Variants in SOX5 observed in about 807,000 individuals in gnomAD.
SOX5 encodes the protein transcription factor SOX-5.
SOX5 carries 9 observed loss-of-function variants against 92.0 expected under a neutral mutation model. The observed-to-expected ratio is 0.10, with a 90% CI of 0.06 to 0.17. The LOEUF (loss-of-function observed/expected upper bound fraction) is 0.17. SOX5 is among the 10% of genes least tolerant of loss of function. SOX5 has a pLI of 1.00. For missense variants in SOX5, 642 were observed against 944.5 expected, an observed-to-expected ratio of 0.68 and a Z score of 4.20; for synonymous variants, 344 against 336.3, an observed-to-expected ratio of 1.02 and a Z score of -0.25.
intron 1 of SOX5, among the ~76,000 whole-genome samples, chr12:24,454,581 C>T (rs2137383682): frequency 6.6e-6 from 1 of 152,212 alleles, no homozygotes; most frequent in Middle Eastern, 3.4e-3. Context: ...CTATTTTTTC[C>T]ACTTAAGAAT....
chr12:24,381,322 G>A (rs937869056), intron 1 of SOX5, among the ~76,000 whole-genome samples: 34 of 152,146 alleles, frequency 2.2e-4, no homozygotes, highest in African/African-American at 8.2e-4. Flanking sequence ...ATAGATTTTA[G>A]AATGTTTCTT....
intron 2 of SOX5, among the ~76,000 whole-genome samples, chr12:24,366,800 C>T (rs2136225067): frequency 6.6e-6 from 1 of 152,050 alleles, no homozygotes; most frequent in Non-Finnish European, 1.5e-5. Context: ...AAATCACATG[C>T]CGTATGATGT....
chr12:23,837,271 ATAT>A (rs2096437158), intron 3 of SOX5, among the ~76,000 whole-genome samples: 1 of 60,630 alleles, frequency 1.6e-5, no homozygotes, highest in South Asian at 6.5e-4. Flanking sequence ...ATAATATATA[ATAT>A]GTATTTATAT....
intron 4 of SOX5, among the ~76,000 whole-genome samples, chr12:24,054,053 A>G (rs1957861257): frequency 1.3e-5 from 2 of 152,214 alleles, no homozygotes; most frequent in Non-Finnish European, 2.9e-5. Flanking sequence ...TGCGTCAAGA[A>G]AAATCGAAAG....
At chr12:24,517,120 T>C (rs1949859131) in intron 1 of SOX5, among the ~76,000 whole-genome samples, 1 of 152,244 alleles carries the variant, frequency 6.6e-6, no homozygotes, top group Non-Finnish European at 1.5e-5. Context: ...ATTATAATAA[T>C]GTCTCATTCA....
chr12:23,576,918 C>CACGTAGCT (rs1381599714), intron 9 of SOX5, among the ~76,000 whole-genome samples: 2 of 151,014 alleles, frequency 1.3e-5, no homozygotes, highest in African/African-American at 4.9e-5. Context: ...ATTTAGTTTC[C>CACGTAGCT]ACGTAGCTAT....
intron 9 of SOX5, among the ~76,000 whole-genome samples, chr12:23,577,898 G>T (rs558341615): frequency 1.3e-4 from 20 of 151,674 alleles, no homozygotes; most frequent in South Asian, 1.2e-3. Context: ...AAGTCAGGCA[G>T]ATCATGAGGT....
Position 24,022,121 on chromosome 12 carries a change from G to A in SOX5, c.-1-126097C>T, listed in dbSNP as rs540786828. 2.6e-5 allele frequency among the ~76,000 whole-genome samples: 4 copies of A among 152,244 alleles called. No homozygotes were observed. The East Asian group carries it at 7.7e-4, about 29-fold the overall frequency. On this transcript the variant is annotated intron_variant, in intron 4 of 4. Transcript: ENST00000446891. ...TCTTTACAGTTCAGTCAGTGAGACA[G>A]ATCATAAACAAACGCAGAATCATAA...
At chr12:23,715,984 T>C (rs1412224939) in intron 6 of SOX5, among the ~76,000 whole-genome samples, 2 of 152,160 alleles carry the variant, frequency 1.3e-5, no homozygotes, top group African/African-American at 2.4e-5. Context: ...AAAATTTCCA[T>C]AAGTAAAAAC....
At chr12:24,108,616 T>C (rs1352918607) in intron 4 of SOX5, among the ~76,000 whole-genome samples, 2 of 152,176 alleles carry the variant, frequency 1.3e-5, no homozygotes, top group African/African-American at 2.4e-5. Flanking sequence ...AGAAATCCTA[T>C]CTTTACAAGT....
chr12:24,447,493 G>C (rs1941654810), intron 1 of SOX5, among the ~76,000 whole-genome samples: 6 of 152,114 alleles, frequency 3.9e-5, no homozygotes, highest in Admixed American at 3.9e-4. Flanking sequence ...TAATACAGTA[G>C]CTTGGATGGG....
At chr12:23,970,618 T>C (rs1948112952) in intron 4 of SOX5, among the ~76,000 whole-genome samples, 2 of 151,394 alleles carry the variant, frequency 1.3e-5, no homozygotes, top group South Asian at 4.2e-4. Flanking sequence ...GTAACATGTA[T>C]AATTGTTTTT....
At chr12:24,125,919 G>A (rs990340057) in intron 4 of SOX5, among the ~76,000 whole-genome samples, 2 of 152,122 alleles carry the variant, frequency 1.3e-5, no homozygotes, top group Non-Finnish European at 2.9e-5. Context: ...AATAACCAGT[G>A]AATCCAAGAG....
At chr12:24,239,632 G>A (rs1041313830) in intron 3 of SOX5, among the ~76,000 whole-genome samples, 11 of 152,238 alleles carry the variant, frequency 7.2e-5, no homozygotes, top group African/African-American at 2.6e-4. Context: ...TTATCTGGTC[G>A]CATTAAACTG....
intron 2 of SOX5, among the ~76,000 whole-genome samples, chr12:23,857,853 C>T (rs2096710922): frequency 1.3e-5 from 2 of 152,016 alleles, no homozygotes; most frequent in South Asian, 2.1e-4. Flanking sequence ...CTGCCTCAGC[C>T]TCCTGAGTAG....
At chr12:23,590,747 T>G (rs1418219823) in intron 9 of SOX5, among the ~76,000 whole-genome samples, 1 of 152,082 alleles carries the variant, frequency 6.6e-6, no homozygotes, top group Non-Finnish European at 1.5e-5. Context: ...TCTATAGAAG[T>G]TGTTTTGACA....
At chr12:23,940,099 T>A (rs1446166223) in intron 1 of SOX5, among the ~76,000 whole-genome samples, 1 of 151,240 alleles carries the variant, frequency 6.6e-6, no homozygotes, top group Non-Finnish European at 1.5e-5. Flanking sequence ...TGACCTAAAG[T>A]GCCACTCGTA....
intron 11 of SOX5, among the ~76,000 whole-genome samples, chr12:23,552,791 C>G (rs1054702995): frequency 1.3e-5 from 2 of 151,946 alleles, no homozygotes; most frequent in African/African-American, 4.8e-5. Flanking sequence ...GGACATACGA[C>G]TACCTGCCTA....
chr12:24,481,226 A>G (rs1945953752), intron 1 of SOX5, among the ~76,000 whole-genome samples: 1 of 152,068 alleles, frequency 6.6e-6, no homozygotes, highest in South Asian at 2.1e-4. Context: ...CCTCATGGAG[A>G]TAAAGAGTAG....
Sources: gnomAD v4.1 joint callset for allele counts (sites outside exome capture counted in the v4.1 genomes callset) on GRCh38, gnomAD v4.1.1 for gene constraint, MANE v1.5 for transcripts, NCBI Gene and HGNC (gene_info 2026-07-23, HGNC 2026-07-21) for gene names.